Variants in EHD4 observed in about 807,000 individuals in gnomAD.
EHD4 encodes EH domain containing 4.
In EHD4, 37 loss-of-function variants were observed where a neutral mutation model predicts 51.0. That is an observed-to-expected ratio of 0.73 (90% CI 0.56 to 0.95). The LOEUF (loss-of-function observed/expected upper bound fraction) is 0.95. Ranked by LOEUF, EHD4 falls within the 40% of genes least tolerant of loss-of-function variation. EHD4 has a pLI of 0.00. For synonymous variants in EHD4, 297 were observed against 317.3 expected, an observed-to-expected ratio of 0.94 and a Z score of 0.68; for missense variants, 632 against 733.1, an observed-to-expected ratio of 0.86 and a Z score of 1.59.
At chr15:41,941,490 T>C (rs1266437702) in intron 3 of EHD4, 1 of 152,176 alleles carries the variant, frequency 6.6e-6, no homozygotes, top group Non-Finnish European at 1.5e-5. Flanking sequence ...TCTTATTCAT[T>C]GACTGAATCC....
intron 5 of EHD4, among the ~76,000 whole-genome samples, chr15:41,906,610 G>A (rs546779327): frequency 8.5e-5 from 13 of 152,312 alleles, no homozygotes; most frequent in East Asian, 3.9e-4. Flanking sequence ...TGGTGGGGTC[G>A]AGCTGGACCG....
intron 3 of EHD4, chr15:41,921,411 C>A (rs1222274899): frequency 6.6e-6 from 1 of 152,234 alleles, no homozygotes; most frequent in African/African-American, 2.4e-5. Context: ...AGGTTTCACT[C>A]TGAGTTCTGT....
Position 41,896,557 on chromosome 15 carries a change from G to C in EHD4, c.*4088C>G, listed in dbSNP as rs1213135060. The C allele has an allele frequency of 1.3e-5, 2 of 151,966 alleles. No individual in the cohort carries two copies. Among genetic ancestry groups the C allele is most frequent in the Non-Finnish European group, 2.9e-5 (2 of 67,986 alleles). The allele number at this position is 151,966 out of a possible 1,614,324, so 9.4% of individuals were successfully genotyped here. A position where few individuals can be genotyped will look rare whatever the true frequency, so the allele number is the denominator to read the frequency against. ...GGGTGGGAGGAGGAGTGCTCTGCAA[G>C]GAGACTGTAGGTCTGGACCACCAAA... On this transcript the variant is annotated 3_prime_UTR_variant, in exon 6 of 6. Coordinates refer to ENST00000220325, the MANE Select transcript of EHD4 (RefSeq NM_139265.4).
At chr15:41,970,377 C>A (rs550804710) in intron 1 of EHD4, among the ~76,000 whole-genome samples, 114 of 152,358 alleles carry the variant, frequency 7.5e-4, no homozygotes, top group South Asian at 5.2e-3. Context: ...GCCCACAGCT[C>A]CAGCACCTGC....
chr15:41,932,883 C>T (rs1231780508), intron 3 of EHD4, among the ~76,000 whole-genome samples: 1 of 152,194 alleles, frequency 6.6e-6, no homozygotes, highest in East Asian at 1.9e-4. Context: ...AAATGCTGAG[C>T]GCTTGGCCGA....
chr15:41,951,297 T>C (rs988110083), intron 2 of EHD4, among the ~76,000 whole-genome samples: 7 of 152,236 alleles, frequency 4.6e-5, no homozygotes, highest in African/African-American at 1.4e-4. Context: ...TTATTTGCTA[T>C]TATTTTTCTA....
intron 3 of EHD4, among the ~76,000 whole-genome samples, chr15:41,931,680 C>CT (rs1175401028): frequency 0.014 from 2,035 of 143,008 alleles, 36 homozygotes; most frequent in African/African-American, 0.043. Context: ...TCAGCAATTT[C>CT]TTTTTTTTTT....
intron 4 of EHD4, among the ~76,000 whole-genome samples, chr15:41,914,055 T>TGTGG (rs2067567168): frequency 6.6e-6 from 1 of 151,994 alleles, no homozygotes; most frequent in Admixed American, 6.6e-5. Context: ...TGTGTGTGTG[T>TGTGG]GTGCCTCCAA....
At position 41,909,733 on chromosome 15, in the gene EHD4, G is replaced by A; in HGVS notation, c.1055C>T (p.Ser352Phe). 6.2e-7 allele frequency: 1 copy of A among 1,614,218 alleles called. No homozygotes were observed. Among genetic ancestry groups the A allele is most frequent in the Non-Finnish European group, 8.5e-7 (1 of 1,180,046 alleles). ...CTTGACCTCAGGGAAGTCCCCTGCA[G>A]AAATCTGGTATTCTCGCTGTAGCTG... ...YIQLQREYQI[S>F]AGDFPEVKAM... is the part of the protein sequence containing the mutation. Residue 352 changes from serine (S) to phenylalanine (F), a missense_variant, in exon 5 of 6, where the codon TCT (serine) becomes TTT (phenylalanine). Ser to Phe is a radical substitution (Grantham distance 155). Transcript: ENST00000220325.
chr15:41,962,611 T>A (rs1595546626), intron 1 of EHD4, among the ~76,000 whole-genome samples: 1 of 150,440 alleles, frequency 6.6e-6, no homozygotes, highest in Non-Finnish European at 1.5e-5. Flanking sequence ...AAAAGTTAAA[T>A]ATTTAAAAAG....
chr15:41,929,277 G>C lies in EHD4; in HGVS notation c.512-9655C>G, dbSNP rs1248555325. Among the ~76,000 whole-genome samples, 3 of 152,174 alleles carry C rather than the reference G, an allele frequency of 2.0e-5. No homozygotes were observed. In the East Asian group the frequency reaches 5.8e-4, roughly 29 times the overall value. ...GCCTGTTTCCTCATAAAATAAACAA[G>C]CTAACCTCACAGCCTGTCCCTCCTT... On this transcript the variant is annotated intron_variant, in intron 3 of 5. Coordinates refer to ENST00000220325, the MANE Select transcript of EHD4 (RefSeq NM_139265.4).
At chr15:41,945,781 C>T (rs940776369) in intron 2 of EHD4, among the ~76,000 whole-genome samples, 17 of 152,200 alleles carry the variant, frequency 1.1e-4, no homozygotes, top group African/African-American at 2.9e-4. Context: ...GAAAGGGAGG[C>T]GCACGGCAAA....
At chr15:41,912,102 G>A (rs2067554032) in intron 4 of EHD4, among the ~76,000 whole-genome samples, 1 of 152,088 alleles carries the variant, frequency 6.6e-6, no homozygotes, top group Admixed American at 6.5e-5. Flanking sequence ...GCTGATGACC[G>A]AGGTGGCCCC....
At chr15:41,917,004 C>G (rs114167082) in intron 4 of EHD4, among the ~76,000 whole-genome samples, 3,775 of 152,276 alleles carry the variant, frequency 0.025, 168 homozygotes, top group African/African-American at 0.087. Flanking sequence ...AAACCCAGGC[C>G]GCGCTGGCCC....
rs576062343 is a variant in EHD4, at chr15:41,896,303, C to T, written c.*4342G>A. The T allele has an allele frequency of 7.2e-5, 11 of 152,396 alleles. No homozygotes were observed. Among genetic ancestry groups the T allele is most frequent in the African/African-American group, 2.6e-4 (11 of 41,580 alleles). 9.4% of individuals were successfully genotyped at this position (152,396 alleles called of 1,614,324 possible). On this transcript the variant is annotated 3_prime_UTR_variant, in exon 6 of 6. Coordinates refer to ENST00000220325, the MANE Select transcript of EHD4 (RefSeq NM_139265.4). ...CCAGGCTGACCTCCCTCCCCTGACC[C>T]CAGCAGCTCTGGACACCCCTCTCAG...
At chr15:41,913,728 A>G (rs2067564759) in intron 4 of EHD4, among the ~76,000 whole-genome samples, 1 of 152,196 alleles carries the variant, frequency 6.6e-6, no homozygotes, top group Non-Finnish European at 1.5e-5. Flanking sequence ...CAAATAATTA[A>G]TAAACTCTCT....
At chr15:41,921,857 A>G (rs971991923) in intron 3 of EHD4, 1 of 152,206 alleles carries the variant, frequency 6.6e-6, no homozygotes, top group African/African-American at 2.4e-5. Flanking sequence ...AAGCTGGGGC[A>G]TAAGCATGTG....
At chr15:41,922,914 G>A (rs146222084) in intron 3 of EHD4, among the ~76,000 whole-genome samples, 50 of 152,212 alleles carry the variant, frequency 3.3e-4, no homozygotes, top group East Asian at 3.9e-4. Context: ...GTAAGAGGAC[G>A]GTCTGTCACA....
rs897511204 is a variant in EHD4 at position 41,899,907 on chromosome 15, A to G, written c.*738T>C. 1 of 152,236 alleles carries G rather than the reference A, an allele frequency of 6.6e-6. No individual in the cohort carries two copies. Among genetic ancestry groups the G allele is most frequent in the African/African-American group, 2.4e-5 (1 of 41,450 alleles). 9.4% of individuals were successfully genotyped at this position (152,236 alleles called of 1,614,324 possible). ...TTGCCAGGGGTTAATAAAGGTTGTG[A>G]ATTCCAAATTCCTAGCCGAATATGG... is the stretch of plus-strand genomic sequence containing the variant. On this transcript the variant is annotated 3_prime_UTR_variant, in exon 6 of 6. Coordinates refer to ENST00000220325, the MANE Select transcript of EHD4 (RefSeq NM_139265.4).
Sources: allele counts gnomAD v4.1 joint callset (sites outside exome capture counted in the v4.1 genomes callset), GRCh38; gene constraint gnomAD v4.1.1; transcripts MANE v1.5; gene names NCBI Gene and HGNC (gene_info 2026-07-23, HGNC 2026-07-21).